The following ACAP2 variants were observed in gnomAD, a reference collection of about 807,000 sequenced individuals.
ACAP2 encodes arf-GAP with coiled-coil, ANK repeat and PH domain-containing protein 2.
Under a neutral mutation model 115.8 loss-of-function variants are expected in ACAP2, and 39 were observed. The observed-to-expected ratio is 0.34, with a 90% CI of 0.26 to 0.44. The LOEUF (loss-of-function observed/expected upper bound fraction) is 0.44. Ranked by LOEUF, ACAP2 falls within the 20% of genes least tolerant of loss-of-function variation. The pLI is 1.00. For missense variants in ACAP2, 662 were observed against 927.6 expected (o/e 0.71, Z 3.72); for synonymous variants, 289 against 315.8 (o/e 0.92, Z 0.90).
intron 1 of ACAP2, among the ~76,000 whole-genome samples, chr3:195,397,408 A>G (rs1711886146): frequency 6.6e-6 from 1 of 152,160 alleles, no homozygotes; most frequent in African/African-American, 2.4e-5. Context: ...AAGGTCCTAT[A>G]CCAATGAGAT....
intron 22 of ACAP2, among the ~76,000 whole-genome samples, chr3:195,285,022 T>C (rs1726753036): frequency 6.6e-6 from 1 of 152,372 alleles, no homozygotes; most frequent in South Asian, 2.1e-4. Flanking sequence ...GAGGTGATCA[T>C]GAATTGAAAT....
At position 195,435,759 on chromosome 3, in the gene ACAP2, G is replaced by C. The variant is rs369290310; in HGVS notation, c.53+7036C>G. 3.3e-5 allele frequency among the ~76,000 whole-genome samples: 5 copies of C among 152,034 alleles called. No individual in the cohort carries two copies. In the East Asian group the frequency reaches 9.6e-4, roughly 29 times the overall value. On this transcript the variant is annotated intron_variant, in intron 1 of 22. Transcript: ENST00000326793. ...TAAAATTTATTGAGGCTTGTTTAATGGCCTAACATCATACTCTATGCTGGA... is the reference window on the plus strand; with the variant it reads ...TAAAATTTATTGAGGCTTGTTTAATCGCCTAACATCATACTCTATGCTGGA...
At chr3:195,432,200 T>G (rs928791937) in intron 1 of ACAP2, among the ~76,000 whole-genome samples, 21 of 152,244 alleles carry the variant, frequency 1.4e-4, no homozygotes, top group African/African-American at 5.1e-4. Context: ...TTAATGAAAT[T>G]CAATTTATCA....
chr3:195,356,169 AG>A lies in ACAP2; in HGVS notation c.286-10853del, dbSNP rs534577397. The A allele has an allele frequency of 9.2e-5, 42 of 456,746 alleles. 1 individual carries two copies. In the Middle Eastern group the frequency reaches 2.3e-3, roughly 25 times the overall value. The allele number at this position is 456,746 out of a possible 1,614,324, so 28.3% of individuals were successfully genotyped here. A position where few individuals can be genotyped will look rare whatever the true frequency, so the allele number is the denominator to read the frequency against. On this transcript the variant is annotated intron_variant, in intron 4 of 22. Coordinates refer to ENST00000326793, the MANE Select transcript of ACAP2 (RefSeq NM_012287.6). ...CGCTCGTAGCAACCACAGGGCACAG[AG>A]GAAGAATCTGCGCTGCACACGGGGA...
At chr3:195,316,216 T>C (rs913106395) in intron 10 of ACAP2, among the ~76,000 whole-genome samples, 3 of 151,634 alleles carry the variant, frequency 2.0e-5, no homozygotes, top group Non-Finnish European at 4.4e-5. Flanking sequence ...TTTTTTTTTT[T>C]CCAACTTCTA....
At chr3:195,299,234 A>G (rs1428417041) in intron 15 of ACAP2, among the ~76,000 whole-genome samples, 1 of 152,120 alleles carries the variant, frequency 6.6e-6, no homozygotes, top group African/African-American at 2.4e-5. Flanking sequence ...TGGGAAAGGA[A>G]AGGATTTTTC....
chr3:195,365,518 G>A (rs1732655850), intron 4 of ACAP2, among the ~76,000 whole-genome samples: 1 of 151,862 alleles, frequency 6.6e-6, no homozygotes. Context: ...GCAGTGCTAT[G>A]ATCATGCCCC....
intron 2 of ACAP2, among the ~76,000 whole-genome samples, chr3:195,382,574 C>T (rs1392025405): frequency 6.6e-6 from 1 of 151,700 alleles, no homozygotes; most frequent in Non-Finnish European, 1.5e-5. Flanking sequence ...TTTTCTTTTA[C>T]CAAAATCTTG....
intron 4 of ACAP2, among the ~76,000 whole-genome samples, chr3:195,380,187 C>T (rs904108489): frequency 6.6e-6 from 1 of 152,052 alleles, no homozygotes; most frequent in African/African-American, 2.4e-5. Context: ...GATACTTGTA[C>T]ATGTCAATAT....
chr3:195,341,334 T>TTG (rs1730859143), intron 6 of ACAP2, among the ~76,000 whole-genome samples: 1 of 142,796 alleles, frequency 7.0e-6, no homozygotes, highest in African/African-American at 2.6e-5. Context: ...TTTTTTTTTT[T>TTG]TTTTTTTTGA....
chr3:195,319,791 A>T (rs1339700986), intron 10 of ACAP2, among the ~76,000 whole-genome samples: 2 of 152,314 alleles, frequency 1.3e-5, no homozygotes. Context: ...TTTTGAGTTA[A>T]TGCTGGAATG....
At chr3:195,281,413 A>G (rs552547346) in intron 22 of ACAP2, among the ~76,000 whole-genome samples, 2 of 145,604 alleles carry the variant, frequency 1.4e-5, no homozygotes, top group East Asian at 4.9e-4. Flanking sequence ...TCAAAAAAAG[A>G]AAAAAAAGGA....
intron 4 of ACAP2, among the ~76,000 whole-genome samples, chr3:195,376,062 G>T (rs571093904): frequency 2.4e-4 from 36 of 152,116 alleles, no homozygotes; most frequent in African/African-American, 8.4e-4. Context: ...TACCTGACCT[G>T]CTCTGAAAAA....
chr3:195,329,815 C>A (rs371896361), intron 8 of ACAP2, among the ~76,000 whole-genome samples: 1 of 152,148 alleles, frequency 6.6e-6, no homozygotes, highest in East Asian at 1.9e-4. Context: ...GCCTACAATG[C>A]CAGTCTCCTG....
chr3:195,333,927 G>C (rs1390266126), intron 7 of ACAP2, among the ~76,000 whole-genome samples: 1 of 152,110 alleles, frequency 6.6e-6, no homozygotes, highest in East Asian at 1.9e-4. Context: ...TGAGTCAACC[G>C]AATTTGCCAA....
chr3:195,332,961 C>T, intron 8 of ACAP2, 67 bp downstream of exon 8: 1 of 1,236,370 alleles, frequency 8.1e-7, no homozygotes, highest in South Asian at 1.3e-5. Context: ...CTCCAATATG[C>T]TAAATTTCTT....
intron 1 of ACAP2, among the ~76,000 whole-genome samples, chr3:195,433,375 G>C (rs953036606): frequency 1.1e-4 from 16 of 152,168 alleles, no homozygotes; most frequent in Non-Finnish European, 4.4e-5. Context: ...TACAAAGGCT[G>C]ATTGTACAAG....
chr3:195,412,822 A>T, intron 1 of ACAP2: 2 of 436,156 alleles, frequency 4.6e-6, no homozygotes, highest in Admixed American at 2.5e-5. Context: ...TTGTTTCCTC[A>T]TAAAAAATTC....
At chr3:195,405,027 T>C (rs1299395423) in intron 1 of ACAP2, among the ~76,000 whole-genome samples, 1 of 152,016 alleles carries the variant, frequency 6.6e-6, no homozygotes, top group African/African-American at 2.4e-5. Flanking sequence ...CTCGAACTCC[T>C]GATCTCAAGT....
Sources: gnomAD v4.1 joint callset for allele counts (sites outside exome capture counted in the v4.1 genomes callset) on GRCh38, gnomAD v4.1.1 for gene constraint, MANE v1.5 for transcripts, NCBI Gene and HGNC (gene_info 2026-07-23, HGNC 2026-07-21) for gene names.